SLC12A8: variants seen among roughly 807,000 people sequenced by gnomAD.
SLC12A8 encodes the protein cation-chloride cotransporter 9.
In SLC12A8, 69 loss-of-function variants were observed where a neutral mutation model predicts 75.6. The observed-to-expected ratio is 0.91, with a 90% confidence interval of 0.75 to 1.11. SLC12A8 has a LOEUF of 1.11. SLC12A8 is among the 50% of genes most tolerant of loss of function. The probability of loss-of-function intolerance (pLI) is 0.00; values close to 1 mark genes in which losing one functional copy is unlikely to be tolerated. For missense variants in SLC12A8, 877 were observed against 896.7 expected (o/e 0.98, Z 0.28); for synonymous variants, 365 against 372.8 (o/e 0.98, Z 0.24).
At chr3:125,172,362 G>A (rs1417858987) in intron 5 of SLC12A8, among the ~76,000 whole-genome samples, 1 of 150,112 alleles carries the variant, frequency 6.7e-6, no homozygotes, top group Non-Finnish European at 1.5e-5. Flanking sequence ...CTCTCTGATT[G>A]TTTGCTCTGG....
At chr3:125,129,702 G>A (rs1933305390) in intron 6 of SLC12A8, among the ~76,000 whole-genome samples, 3 of 152,194 alleles carry the variant, frequency 2.0e-5, no homozygotes, top group Non-Finnish European at 2.9e-5. Flanking sequence ...GTGTTGGAGG[G>A]AACCCCAGCC....
At chr3:125,141,155 A>T (rs1390901704) in intron 5 of SLC12A8, among the ~76,000 whole-genome samples, 2 of 145,830 alleles carry the variant, frequency 1.4e-5, no homozygotes, top group Admixed American at 1.4e-4. Context: ...GAAGAACAAA[A>T]ACAAAAAGGG....
chr3:125,084,710 G>A (rs1259283401), intron 13 of SLC12A8, among the ~76,000 whole-genome samples: 1 of 152,200 alleles, frequency 6.6e-6, no homozygotes, highest in Non-Finnish European at 1.5e-5. Flanking sequence ...GCTCAGGCTG[G>A]CTGTCCAGGC....
intron 5 of SLC12A8, among the ~76,000 whole-genome samples, chr3:125,155,953 A>G (rs7611512): frequency 0.14 from 20,626 of 151,996 alleles, 1,708 homozygotes; most frequent in East Asian, 0.2. Context: ...TCACATCCCT[A>G]GACCGTATGC....
rs565867285 is a variant in SLC12A8 at position 125,109,516 on chromosome 3, G to T, written c.1059+673C>A. On this transcript the variant is annotated intron_variant, in intron 9 of 13. Coordinates refer to ENST00000469902, the MANE Select transcript of SLC12A8 (RefSeq NM_024628.6). ...AGAGGCTGAAAATTGGAAGCGGCTG[G>T]GGAGGCCCTCTGGGGTACCCCAACA... 3.0e-4 allele frequency among the ~76,000 whole-genome samples: 45 copies of T among 152,286 alleles called. No homozygotes were observed. The East Asian group carries it at 7.9e-3, about 27-fold the overall frequency.
intron 6 of SLC12A8, among the ~76,000 whole-genome samples, chr3:125,128,480 T>C (rs1366168137): frequency 1.2e-4 from 3 of 26,022 alleles, no homozygotes; most frequent in African/African-American, 4.7e-4. Context: ...GCGCCCGGCC[T>C]TTTTTTTTTT....
intron 10 of SLC12A8, among the ~76,000 whole-genome samples, chr3:125,096,345 T>A (rs990857977): frequency 5.9e-5 from 9 of 152,228 alleles, no homozygotes; most frequent in African/African-American, 2.2e-4. Flanking sequence ...ACTTATCACT[T>A]ACTGACATCA....
intron 5 of SLC12A8, among the ~76,000 whole-genome samples, chr3:125,167,647 G>A (rs1560074068): frequency 6.6e-6 from 1 of 152,302 alleles, no homozygotes; most frequent in South Asian, 2.1e-4. Flanking sequence ...AACCAAAGCT[G>A]AGAACATCTA....
intron 2 of SLC12A8, among the ~76,000 whole-genome samples, chr3:125,207,087 G>C (rs1158822387): frequency 6.6e-6 from 1 of 152,172 alleles, no homozygotes; most frequent in East Asian, 1.9e-4. Flanking sequence ...TGTACAAGAA[G>C]ACGGAGCAGA....
chr3:125,211,497 C>A, intron 1 of SLC12A8, 103 bp from the exon 2 acceptor site: 3 of 731,456 alleles, frequency 4.1e-6, no homozygotes, highest in Non-Finnish European at 7.3e-6. Context: ...CCAGGCGAGG[C>A]CCTGGCTGAG....
intron 5 of SLC12A8, among the ~76,000 whole-genome samples, chr3:125,145,244 T>G (rs946844072): frequency 6.6e-6 from 1 of 152,208 alleles, no homozygotes; most frequent in African/African-American, 2.4e-5. Flanking sequence ...CTGCTGTTAC[T>G]GGCTGGCTAC....
intron 5 of SLC12A8, among the ~76,000 whole-genome samples, chr3:125,156,500 C>CA (rs763674395): frequency 4.3e-4 from 65 of 152,160 alleles, no homozygotes; most frequent in Non-Finnish European, 6.3e-4. Context: ...ACTAACGAGA[C>CA]AAAAAATCAA....
chr3:125,130,240 A>G (rs140949119), intron 6 of SLC12A8, among the ~76,000 whole-genome samples: 63 of 152,328 alleles, frequency 4.1e-4, no homozygotes, highest in Middle Eastern at 3.4e-3. Context: ...ACGACACTCC[A>G]TCTCTGAGCC....
chr3:125,138,400 CA>C (rs764201889), intron 5 of SLC12A8, among the ~76,000 whole-genome samples: 7 of 151,832 alleles, frequency 4.6e-5, no homozygotes, highest in Non-Finnish European at 1.0e-4. Context: ...GACTCCATCT[CA>C]ATTTTTTAAA....
intron 5 of SLC12A8, among the ~76,000 whole-genome samples, chr3:125,163,669 C>G (rs536304659): frequency 5.9e-5 from 9 of 152,218 alleles, no homozygotes; most frequent in African/African-American, 2.2e-4. Flanking sequence ...TCATTGTGGC[C>G]ACAAATTCCA....
At chr3:125,207,083 A>G (rs1406848607) in intron 2 of SLC12A8, among the ~76,000 whole-genome samples, 3 of 152,204 alleles carry the variant, frequency 2.0e-5, no homozygotes, top group Admixed American at 2.0e-4. Flanking sequence ...ACGCTGTACA[A>G]GAAGACGGAG....
intron 11 of SLC12A8, 25 bp downstream of exon 11, chr3:125,092,076 C>T (rs1484428999): frequency 1.8e-5 from 28 of 1,542,816 alleles, no homozygotes; most frequent in Non-Finnish European, 2.5e-5. Context: ...CCAAGAACAA[C>T]TGAGATCAAG....
chr3:125,140,965 G>C (rs1005396672), intron 5 of SLC12A8, among the ~76,000 whole-genome samples: 7 of 152,092 alleles, frequency 4.6e-5, no homozygotes, highest in Non-Finnish European at 7.3e-5. Context: ...TTCCTCTGCT[G>C]GTGAAACTGA....
chr3:125,139,823 G>T (rs535031141), intron 5 of SLC12A8, among the ~76,000 whole-genome samples: 4 of 152,308 alleles, frequency 2.6e-5, no homozygotes, highest in South Asian at 2.1e-4. Context: ...CAGAACAAAG[G>T]TTCCTAATTC....
Sources: gnomAD v4.1 joint callset for allele counts (sites outside exome capture counted in the v4.1 genomes callset) on GRCh38, gnomAD v4.1.1 for gene constraint, MANE v1.5 for transcripts, NCBI Gene and HGNC (gene_info 2026-07-23, HGNC 2026-07-21) for gene names.